SCFD1: variants seen among roughly 807,000 people sequenced by gnomAD.
SCFD1 encodes the protein sec1 family domain containing 1.
In SCFD1, 37 loss-of-function variants were observed where a neutral mutation model predicts 103.2. The observed-to-expected ratio is 0.36, with a 90% CI of 0.28 to 0.47. The LOEUF is 0.47. Among genes scored for constraint, SCFD1 ranks in the 20% least tolerant of loss-of-function variants. The pLI, the probability that SCFD1 is intolerant of heterozygous loss-of-function variation, is 1.00. For synonymous variants in SCFD1, 264 were observed against 245.0 expected (o/e 1.08, Z -0.73); for missense variants, 639 against 761.2 (o/e 0.84, Z 1.89).
intron 23 of SCFD1, among the ~76,000 whole-genome samples, chr14:30,725,653 G>A (rs1175549745): frequency 6.6e-6 from 1 of 152,096 alleles, no homozygotes; most frequent in Admixed American, 6.5e-5. Context: ...TTGACTTCCT[G>A]TCTTCCTATT....
At chr14:30,680,669 C>A (rs959609274) in intron 14 of SCFD1, among the ~76,000 whole-genome samples, 1 of 152,138 alleles carries the variant, frequency 6.6e-6, no homozygotes, top group Non-Finnish European at 1.5e-5. Context: ...TGGCATGCAC[C>A]TGTAATCCTG....
At position 30,694,957 on chromosome 14, in the gene SCFD1, G is replaced by GT. The variant is rs1230506893; in HGVS notation, c.1339+93dup. The GT allele has an allele frequency of 9.0e-5, 137 of 1,514,226 alleles. No individual in the cohort carries two copies. In the South Asian group the frequency reaches 1.3e-3, roughly 15 times the overall value. 93.8% of individuals were successfully genotyped at this position (1,514,226 alleles called of 1,614,324 possible). On this transcript the variant is annotated intron_variant, in intron 15 of 24. Coordinates refer to ENST00000458591, the MANE Select transcript of SCFD1 (RefSeq NM_016106.4). ...TGAGTAAACTTTGAATAGAATTGTT[G>GT]TTTTTCTGACAGTCAATGCTAATAT...
At chr14:30,680,705 A>T (rs28495989) in intron 14 of SCFD1, among the ~76,000 whole-genome samples, 5,589 of 152,222 alleles carry the variant, frequency 0.037, 330 homozygotes, top group African/African-American at 0.12. Flanking sequence ...AGGTGGGAGG[A>T]TCTCTTGAGC....
chr14:30,715,599 G>T, intron 19 of SCFD1: 2 of 164,310 alleles, frequency 1.2e-5, no homozygotes, highest in East Asian at 1.7e-4. Context: ...ATTCTTGTTT[G>T]ATCAAAACAA....
In SCFD1 at chr14:30,630,781, G is replaced by C. The variant is rs545524824; in HGVS notation, c.221+216G>C. On this transcript the variant is annotated intron_variant, in intron 3 of 24. Transcript: ENST00000458591. ...GCCTTGTGGCTTTTCCTTAGATTTG[G>C]TTTACCCTCTATGTAAAGGAAAAGA... The C allele has an allele frequency of 4.0e-5, 19 of 477,622 alleles. No homozygotes were observed. In the South Asian group the frequency reaches 4.9e-4, roughly 12 times the overall value. 29.6% of individuals were successfully genotyped at this position (477,622 alleles called of 1,614,324 possible).
At chr14:30,646,555 A>G (rs2139079915) in intron 7 of SCFD1, among the ~76,000 whole-genome samples, 1 of 152,192 alleles carries the variant, frequency 6.6e-6, no homozygotes. Flanking sequence ...ACCTGTATTC[A>G]TCAGGGGTAT....
At chr14:30,678,059 C>G (rs1889183077) in intron 14 of SCFD1, among the ~76,000 whole-genome samples, 1 of 151,756 alleles carries the variant, frequency 6.6e-6, no homozygotes, top group Non-Finnish European at 1.5e-5. Flanking sequence ...AGGATGGTCA[C>G]CATCTCTTGA....
intron 15 of SCFD1, among the ~76,000 whole-genome samples, chr14:30,698,486 A>G (rs899960603): frequency 6.6e-6 from 1 of 152,192 alleles, no homozygotes; most frequent in African/African-American, 2.4e-5. Flanking sequence ...CAAAGTAAGT[A>G]TCTACTATTA....
At chr14:30,624,360 A>T (rs1182835303) in intron 1 of SCFD1, among the ~76,000 whole-genome samples, 1 of 152,126 alleles carries the variant, frequency 6.6e-6, no homozygotes, top group East Asian at 1.9e-4. Context: ...TATTATCTGT[A>T]TGTTGATGAT....
chr14:30,722,100 G>A (rs957513198), intron 22 of SCFD1, among the ~76,000 whole-genome samples, 183 bp downstream of exon 22: 5 of 151,940 alleles, frequency 3.3e-5, no homozygotes, highest in Non-Finnish European at 7.4e-5. Flanking sequence ...TAAAAATAAC[G>A]GACAATTCAC....
At chr14:30,730,900 G>T (rs1315620383) in intron 23 of SCFD1, among the ~76,000 whole-genome samples, 3 of 152,066 alleles carry the variant, frequency 2.0e-5, no homozygotes, top group Non-Finnish European at 4.4e-5. Flanking sequence ...ATTGCTTTTG[G>T]TGTTTTAGAC....
At chr14:30,667,135 A>G (rs1027010582) in intron 10 of SCFD1, among the ~76,000 whole-genome samples, 1 of 152,248 alleles carries the variant, frequency 6.6e-6, no homozygotes, top group African/African-American at 2.4e-5. Flanking sequence ...TCCCTGATGA[A>G]CATCAATGCG....
Position 30,722,511 on chromosome 14 carries a change from G to A in SCFD1, c.1788G>A (p.Val596=), listed in dbSNP as rs764494110. The part of the protein sequence containing the change: ...NPFQEAIVFV[V]GGGNYIEYQN... ...CATTTTAGGCCATTGTTTTTGTGGT[G>A]GGAGGAGGCAACTACATTGAATATC... is the stretch of plus-strand genomic sequence containing the variant. The change falls in exon 23 of 25, where the codon GTG becomes GTA. Residue 596 remains valine, a synonymous_variant. Coordinates refer to ENST00000458591, the MANE Select transcript of SCFD1 (RefSeq NM_016106.4). 6.2e-7 allele frequency: 1 copy of A among 1,600,100 alleles called. No individual in the cohort carries two copies. Among genetic ancestry groups the A allele is most frequent in the Non-Finnish European group, 8.5e-7 (1 of 1,172,940 alleles).
At chr14:30,670,426 A>T (rs751355292) in intron 11 of SCFD1, 31 bp downstream of exon 11, 2 of 1,456,622 alleles carry the variant, frequency 1.4e-6, no homozygotes, top group Non-Finnish European at 9.2e-7. Flanking sequence ...TAAAAGATTC[A>T]TTTTTTTAAA....
chr14:30,684,433 C>T (rs1275138118), intron 14 of SCFD1, among the ~76,000 whole-genome samples: 3 of 152,190 alleles, frequency 2.0e-5, no homozygotes, highest in African/African-American at 7.2e-5. Context: ...ATGTCTTACA[C>T]AATCTGTATA....
chr14:30,644,015 T>C (rs754709180), intron 7 of SCFD1: 23 of 456,330 alleles, frequency 5.0e-5, no homozygotes, highest in African/African-American at 1.4e-4. Context: ...TCCTCTATGC[T>C]CAGGTAGACC....
intron 4 of SCFD1, among the ~76,000 whole-genome samples, chr14:30,636,441 C>T (rs1291720261): frequency 6.6e-6 from 1 of 152,038 alleles, no homozygotes; most frequent in Non-Finnish European, 1.5e-5. Context: ...TATTCTTTTG[C>T]ATGTGGCTAT....
intron 4 of SCFD1, among the ~76,000 whole-genome samples, chr14:30,635,765 G>A (rs1405662976): frequency 3.9e-5 from 6 of 151,944 alleles, no homozygotes; most frequent in Admixed American, 2.0e-4. Context: ...TCTTGTGGCC[G>A]TAAACACATA....
intron 10 of SCFD1, among the ~76,000 whole-genome samples, chr14:30,663,151 C>G (rs1261070424): frequency 6.6e-6 from 1 of 152,002 alleles, no homozygotes; most frequent in Non-Finnish European, 1.5e-5. Flanking sequence ...ATCTTTTATT[C>G]CTTTATTATT....
Sources: allele counts gnomAD v4.1 joint callset (sites outside exome capture counted in the v4.1 genomes callset), GRCh38; gene constraint gnomAD v4.1.1; transcripts MANE v1.5; gene names NCBI Gene and HGNC (gene_info 2026-07-23, HGNC 2026-07-21).